TAFA4: variants seen among roughly 807,000 people sequenced by gnomAD.
TAFA4 encodes the protein TAFA chemokine like family member 4.
A neutral mutation model predicts 21.1 loss-of-function variants in TAFA4; 20 were observed. The observed-to-expected ratio is 0.95, with a 90% confidence interval of 0.67 to 1.38. The LOEUF is 1.38. Ranked by LOEUF, TAFA4 falls within the 40% of genes most tolerant of loss-of-function variation. TAFA4 has a pLI of 0.00. For missense variants in TAFA4, 211 were observed against 180.9 expected (o/e 1.17, Z -0.95); for synonymous variants, 71 against 67.4 (o/e 1.05, Z -0.26).
chr3:68,907,782 A>C (rs2089919282), intron 1 of TAFA4, among the ~76,000 whole-genome samples: 1 of 152,226 alleles, frequency 6.6e-6, no homozygotes, highest in Admixed American at 6.5e-5. Flanking sequence ...TCGATGGTAA[A>C]CTCTAAAGAA....
At chr3:68,824,574 C>G (rs1334449693) in intron 3 of TAFA4, among the ~76,000 whole-genome samples, 1 of 152,182 alleles carries the variant, frequency 6.6e-6, no homozygotes. Context: ...ATTACATCTG[C>G]AAAGCCCTTT....
chr3:68,739,048 T>C lies in TAFA4; in HGVS notation c.411+27A>G, dbSNP rs1340475853. On this transcript the variant is annotated intron_variant, in intron 5 of 5. Transcript: ENST00000295569. ...AGCCCCACAGTTGATAACTTGTAAA[T>C]TGTAGTTGCATTTTGTCTATACTTG... 8 of 1,611,058 alleles carry C rather than the reference T, an allele frequency of 5.0e-6. No homozygotes were observed. The East Asian group carries it at 8.9e-5, about 18-fold the overall frequency.
Position 68,741,916 on chromosome 3 carries a change from C to T in TAFA4, c.287-2717G>A, listed in dbSNP as rs142697149. Among the ~76,000 whole-genome samples the T allele has an allele frequency of 4.3e-4, 65 of 152,258 alleles. No individual in the cohort carries two copies. The East Asian group carries it at 8.9e-3, about 21-fold the overall frequency. ...CCTTCATGCCAAAGCCAGATTAGGA[C>T]ACTACAAAAAAGAAAATTATAGGCC... is the stretch of plus-strand genomic sequence containing the variant. On this transcript the variant is annotated intron_variant, in intron 4 of 5. Transcript: ENST00000295569.
chr3:68,800,415 G>C (rs1331321857), intron 3 of TAFA4, among the ~76,000 whole-genome samples: 1 of 152,160 alleles, frequency 6.6e-6, no homozygotes, highest in African/African-American at 2.4e-5. Flanking sequence ...TGCTGACCCT[G>C]AACCCCAGTG....
chr3:68,793,480 A>T (rs921160089), intron 3 of TAFA4, among the ~76,000 whole-genome samples: 2 of 152,202 alleles, frequency 1.3e-5, no homozygotes, highest in Non-Finnish European at 2.9e-5. Context: ...TTGGAAATCC[A>T]ATTGCCGCTT....
chr3:68,746,186 C>CA, intron 4 of TAFA4, among the ~76,000 whole-genome samples: 1 of 152,106 alleles, frequency 6.6e-6, no homozygotes. Context: ...GGGCTGAAGG[C>CA]TGCACTGTTG....
chr3:68,804,778 C>T (rs1008231366), intron 3 of TAFA4, among the ~76,000 whole-genome samples: 11 of 152,266 alleles, frequency 7.2e-5, no homozygotes, highest in African/African-American at 2.6e-4. Flanking sequence ...GGATCCCTTC[C>T]TTACACCTTA....
intron 3 of TAFA4, among the ~76,000 whole-genome samples, chr3:68,755,532 G>A (rs1007746887): frequency 7.9e-5 from 12 of 152,192 alleles, no homozygotes; most frequent in African/African-American, 2.4e-4. Flanking sequence ...ATGCTCCCCT[G>A]TCATCCCCAC....
chr3:68,774,587 A>G (rs1703017540), intron 3 of TAFA4, among the ~76,000 whole-genome samples: 1 of 152,256 alleles, frequency 6.6e-6, no homozygotes, highest in African/African-American at 2.4e-5. Context: ...TAGAGCAAAG[A>G]TCAATTAATC....
intron 3 of TAFA4, among the ~76,000 whole-genome samples, chr3:68,802,628 T>A (rs916282525): frequency 4.6e-5 from 7 of 152,164 alleles, no homozygotes; most frequent in African/African-American, 1.7e-4. Flanking sequence ...GAAGTTATCA[T>A]AAATATGTAA....
intron 4 of TAFA4, among the ~76,000 whole-genome samples, chr3:68,750,291 T>TATCA (rs1702536291): frequency 6.6e-6 from 1 of 152,128 alleles, no homozygotes; most frequent in Non-Finnish European, 1.5e-5. Context: ...AGCAAGACCC[T>TATCA]ATCATTATTT....
At chr3:68,863,984 G>C (rs1257559262) in intron 3 of TAFA4, among the ~76,000 whole-genome samples, 11 of 151,902 alleles carry the variant, frequency 7.2e-5, no homozygotes, top group African/African-American at 2.4e-4. Context: ...TAAATATAAA[G>C]CCAAAAACTA....
intron 3 of TAFA4, among the ~76,000 whole-genome samples, chr3:68,843,779 T>C (rs1019308818): frequency 2.6e-5 from 4 of 152,376 alleles, no homozygotes; most frequent in South Asian, 2.1e-4. Context: ...GATAATCATG[T>C]GGTTTTTGTC....
In TAFA4 at chr3:68,843,850, C is replaced by G. The variant is rs549719961; in HGVS notation, c.130+36880G>C. 3.9e-5 allele frequency among the ~76,000 whole-genome samples: 6 copies of G among 152,374 alleles called. No individual in the cohort carries two copies. The South Asian group carries it at 1.2e-3, about 32-fold the overall frequency. ...ATTTTCATATGTTGAATCAGCCTTG[C>G]ATCCCAGGGATGAAGCCAACTTGAT... On this transcript the variant is annotated intron_variant, in intron 3 of 5. Transcript: ENST00000295569.
chr3:68,892,326 ACTGT>A (rs1243057671), intron 1 of TAFA4, among the ~76,000 whole-genome samples: 2 of 152,346 alleles, frequency 1.3e-5, no homozygotes, highest in Admixed American at 6.5e-5. Flanking sequence ...AAAGACAATA[ACTGT>A]CTATTAAATA....
intron 3 of TAFA4, among the ~76,000 whole-genome samples, chr3:68,785,309 C>A (rs1413123505): frequency 5.9e-5 from 9 of 152,238 alleles, no homozygotes; most frequent in Admixed American, 5.9e-4. Context: ...GCACCATGCG[C>A]CCACACTCCT....
At chr3:68,806,395 C>A (rs1259444531) in intron 3 of TAFA4, among the ~76,000 whole-genome samples, 11 of 152,096 alleles carry the variant, frequency 7.2e-5, no homozygotes, top group Non-Finnish European at 2.9e-5. Flanking sequence ...TGAGGAAGTA[C>A]AAGTAAGCCC....
intron 3 of TAFA4, among the ~76,000 whole-genome samples, chr3:68,755,655 C>A (rs1480111835): frequency 1.3e-5 from 2 of 152,208 alleles, no homozygotes. Flanking sequence ...AATTAGGTGG[C>A]TGTCATCTCC....
At chr3:68,776,977 C>A (rs1338418384) in intron 3 of TAFA4, among the ~76,000 whole-genome samples, 1 of 151,818 alleles carries the variant, frequency 6.6e-6, no homozygotes, top group African/African-American at 2.4e-5. Flanking sequence ...AAAATGAAAA[C>A]CTTCTTGGAC....
Sources: allele counts gnomAD v4.1 joint callset (sites outside exome capture counted in the v4.1 genomes callset), GRCh38; gene constraint gnomAD v4.1.1; transcripts MANE v1.5; gene names NCBI Gene and HGNC (gene_info 2026-07-23, HGNC 2026-07-21).